Variants in KIF24 observed in about 807,000 individuals in gnomAD.
KIF24 encodes kinesin-like protein KIF24.
Under a neutral mutation model 118.9 loss-of-function variants are expected in KIF24, and 81 were observed. That is an observed-to-expected ratio of 0.68 (90% CI 0.57 to 0.82). The LOEUF (loss-of-function observed/expected upper bound fraction) is 0.82. Among genes scored for constraint, KIF24 ranks in the 40% least tolerant of loss-of-function variants. KIF24 has a pLI of 0.00. For missense variants in KIF24, 1,560 were observed against 1,661.6 expected, an observed-to-expected ratio of 0.94 and a Z score of 1.06; for synonymous variants, 599 against 610.0, an observed-to-expected ratio of 0.98 and a Z score of 0.27.
intron 6 of KIF24, among the ~76,000 whole-genome samples, chr9:34,279,086 AGAGT>A (rs1386863123): frequency 1.3e-5 from 2 of 152,214 alleles, no homozygotes; most frequent in Non-Finnish European, 2.9e-5. Flanking sequence ...CCTAGGTGAC[AGAGT>A]GAGACTCTAC....
Position 34,256,506 on chromosome 9 carries a change from G to C in KIF24, c.3101C>G (p.Pro1034Arg). Residue 1034 changes from proline to arginine, a missense_variant, in exon 11 of 13, where the codon CCT becomes CGT. This residue lies in a region of KIF24 where 591 missense variants were observed against 655.6 expected (regional missense o/e 0.90). Coordinates refer to ENST00000402558, the MANE Select transcript of KIF24 (RefSeq NM_194313.4). ...AGCATGCGTGCCTAACTGCCCCCTA[G>C]GATCCTCTCCTGGGACAGCATGACC... ...KNGHAVPGEDPRGQLGTHAEY... is the reference protein window; with the variant it reads ...KNGHAVPGEDRRGQLGTHAEY... 6.2e-7 allele frequency: 1 copy of C among 1,613,614 alleles called. No individual in the cohort carries two copies. Among genetic ancestry groups the C allele is most frequent in the South Asian group, 1.1e-5 (1 of 91,084 alleles).
At chr9:34,278,364 C>T (rs908590558) in intron 6 of KIF24, among the ~76,000 whole-genome samples, 1 of 152,100 alleles carries the variant, frequency 6.6e-6, no homozygotes, top group Non-Finnish European at 1.5e-5. Context: ...GAGTCAAGAT[C>T]ATGCCACTGC....
chr9:34,259,982 G>A (rs1563935149), intron 9 of KIF24, among the ~76,000 whole-genome samples: 1 of 152,140 alleles, frequency 6.6e-6, no homozygotes, highest in African/African-American at 2.4e-5. Flanking sequence ...AGGGTCCAGG[G>A]AAATGAGTAC....
chr9:34,312,337 G>A (rs1040070335), intron 1 of KIF24, among the ~76,000 whole-genome samples: 3 of 152,148 alleles, frequency 2.0e-5, no homozygotes, highest in Non-Finnish European at 4.4e-5. Context: ...AACAAATAAT[G>A]TGGTAATAAC....
chr9:34,290,168 C>G lies in KIF24; in HGVS notation c.1127+6G>C. Reference sequence around the variant, plus strand: ...AGATTTATCGCTTCCCACTCATATTCAGTACCTTTTTCTTCTATTTAGGAG... The same window carrying G: ...AGATTTATCGCTTCCCACTCATATTGAGTACCTTTTTCTTCTATTTAGGAG... On this transcript the variant is annotated splice_donor_region_variant and intron_variant, in intron 5 of 12. Coordinates refer to ENST00000402558, the MANE Select transcript of KIF24 (RefSeq NM_194313.4). The G allele has an allele frequency of 6.3e-7, 1 of 1,597,058 alleles. No individual in the cohort carries two copies. The highest frequency in any genetic ancestry group is 2.2e-5 in the East Asian group (1 of 44,798).
intron 8 of KIF24, among the ~76,000 whole-genome samples, chr9:34,265,852 AT>A (rs1835265553): frequency 6.6e-6 from 1 of 152,112 alleles, no homozygotes; most frequent in African/African-American, 2.4e-5. Context: ...TTTTAATTTT[AT>A]TTATTTTTTT....
At chr9:34,321,319 C>A (rs1366305430) in intron 1 of KIF24, among the ~76,000 whole-genome samples, 3 of 151,482 alleles carry the variant, frequency 2.0e-5, no homozygotes, top group African/African-American at 7.3e-5. Context: ...CAAAAAAAAA[C>A]CGAGGACTCA....
chr9:34,317,923 C>A (rs538896624), intron 1 of KIF24, among the ~76,000 whole-genome samples: 1 of 152,142 alleles, frequency 6.6e-6, no homozygotes, highest in African/African-American at 2.4e-5. Context: ...AGGCATCCAC[C>A]GGGGGTCTTG....
chr9:34,252,985 T>TAAG lies in KIF24; in HGVS notation c.*1394_*1395insCTT. 1 of 152,586 alleles carries TAAG rather than the reference T, an allele frequency of 6.6e-6. No homozygotes were observed. The highest frequency in any genetic ancestry group is 2.9e-3 in the Middle Eastern group (1 of 348). The allele number at this position is 152,586 out of a possible 1,614,324, so 9.5% of individuals were successfully genotyped here. ...AAGTTTTTGTCCTTGACCTTAATAC[T>TAAG]GTGCCATTGTCCCACTTGAGCTTTT... is the stretch of plus-strand genomic sequence containing the variant. On this transcript the variant is annotated 3_prime_UTR_variant, in exon 13 of 13. Coordinates refer to ENST00000402558, the MANE Select transcript of KIF24 (RefSeq NM_194313.4).
chr9:34,276,023 C>T (rs1428554688), intron 6 of KIF24, among the ~76,000 whole-genome samples: 1 of 152,216 alleles, frequency 6.6e-6, no homozygotes, highest in Admixed American at 6.5e-5. Context: ...CCAAATTCCA[C>T]ATCCAGTACA....
chr9:34,264,022 G>C (rs1356921463), intron 8 of KIF24, among the ~76,000 whole-genome samples: 1 of 152,066 alleles, frequency 6.6e-6, no homozygotes, highest in Non-Finnish European at 1.5e-5. Flanking sequence ...GGACCTCCAG[G>C]GGAAACACTC....
intron 3 of KIF24, among the ~76,000 whole-genome samples, chr9:34,305,133 T>G (rs1486513161): frequency 6.6e-6 from 1 of 152,230 alleles, no homozygotes; most frequent in Non-Finnish European, 1.5e-5. Flanking sequence ...CCTATGAGAC[T>G]AAAGAATTAT....
rs1834818045 is a variant in KIF24, at chr9:34,255,978, G to C, written c.3629C>G (p.Thr1210Arg). 1.2e-6 allele frequency: 2 copies of C among 1,613,844 alleles called. No individual in the cohort carries two copies. The highest frequency in any genetic ancestry group is 1.7e-6 in the Non-Finnish European group (2 of 1,179,872). ...PHSGPTLTPR[T>R]GSSDVADQLW... ...CTGGTCAGCCACATCACTACTTCCTGTTCGTGGGGTGAGTGTAGGTCCAGA... is the reference window on the plus strand; with the variant it reads ...CTGGTCAGCCACATCACTACTTCCTCTTCGTGGGGTGAGTGTAGGTCCAGA... Residue 1210 changes from threonine (T) to arginine (R), a missense_variant, in exon 11 of 13, where the codon ACA (threonine) becomes AGA (arginine). By Grantham distance (71) the Thr-to-Arg change is moderately conservative. Around this residue, in one of 3 missense-constraint regions of KIF24, gnomAD observed 591 missense variants for 655.6 expected, o/e 0.90. Coordinates refer to ENST00000402558, the MANE Select transcript of KIF24 (RefSeq NM_194313.4).
chr9:34,269,354 A>G lies in KIF24; in HGVS notation c.1346T>C (p.Phe449Ser), dbSNP rs764047227. 1 of 1,582,462 alleles carries G rather than the reference A, an allele frequency of 6.3e-7. No homozygotes were observed. Among genetic ancestry groups the G allele is most frequent in the Non-Finnish European group, 8.7e-7 (1 of 1,153,300 alleles). Reference sequence around the variant, plus strand: ...TCTTTCACTGCCAGCCAAGTCAATAAAAGAGATCCTAGAGAAAAGACACAG... The same window carrying G: ...TCTTTCACTGCCAGCCAAGTCAATAGAAGAGATCCTAGAGAAAAGACACAG... ...SAKRTFGRIS[F>S]IDLAGSERAA... The change falls in exon 8 of 13, where the codon TTT (phenylalanine) becomes TCT (serine). Residue 449 changes from phenylalanine to serine, a missense_variant. Physicochemically the swap from Phe to Ser is radical, Grantham distance 155. Around this residue, in one of 3 missense-constraint regions of KIF24, gnomAD observed 964 missense variants for 988.0 expected, o/e 0.98. Coordinates refer to ENST00000402558, the MANE Select transcript of KIF24 (RefSeq NM_194313.4).
chr9:34,308,775 T>C (rs891172812), intron 2 of KIF24, among the ~76,000 whole-genome samples: 29 of 152,098 alleles, frequency 1.9e-4, no homozygotes, highest in African/African-American at 6.8e-4. Flanking sequence ...GACATGCATG[T>C]TTTTTTAAAA....
intron 3 of KIF24, among the ~76,000 whole-genome samples, chr9:34,300,257 A>G (rs1018527485): frequency 3.3e-5 from 5 of 152,232 alleles, no homozygotes; most frequent in African/African-American, 1.2e-4. Context: ...TTTTAAGAAC[A>G]CTAAAATATT....
intron 3 of KIF24, among the ~76,000 whole-genome samples, chr9:34,299,823 CGTGT>C (rs34056151): frequency 0.37 from 49,451 of 133,096 alleles, 9,747 homozygotes; most frequent in Non-Finnish European, 0.5. Flanking sequence ...TGTGTGTGTG[CGTGT>C]GTGTGTGTGT....
rs373338737 is a variant in KIF24, at chr9:34,311,151, C to G, written c.196G>C (p.Glu66Gln). ...GGGATACTGACTGCTTTATCTTCTT[C>G]TTGCATAATCTTAATAATTTTGATA... is the stretch of plus-strand genomic sequence containing the variant. ...QLIKIIKIMQ[E>Q]EDKAVSIPER... Residue 66 changes from glutamate to glutamine, a missense_variant, in exon 2 of 13, where the codon GAA (glutamate) becomes CAA (glutamine). By Grantham distance (29) the Glu-to-Gln change is conservative. Around this residue, in one of 3 missense-constraint regions of KIF24, gnomAD observed 964 missense variants for 988.0 expected, o/e 0.98. Transcript: ENST00000402558. 5.0e-6 allele frequency: 8 copies of G among 1,613,282 alleles called. No individual in the cohort carries two copies. In the African/African-American group the frequency reaches 1.1e-4, roughly 22 times the overall value.
At chr9:34,278,407 C>T (rs1207772181) in intron 6 of KIF24, among the ~76,000 whole-genome samples, 6 of 152,202 alleles carry the variant, frequency 3.9e-5, no homozygotes, top group Admixed American at 1.3e-4. Context: ...AAAATTCCAT[C>T]TCAAAAACAA....
Sources: gnomAD v4.1 joint callset for allele counts (sites outside exome capture counted in the v4.1 genomes callset) on GRCh38, gnomAD v4.1.1 for gene constraint, gnomAD v4.1.1 regional missense constraint, MANE v1.5 for transcripts, NCBI Gene and HGNC (gene_info 2026-07-23, HGNC 2026-07-21) for gene names.